The following ALG14 variants were observed in gnomAD, a reference collection of about 807,000 sequenced individuals.
ALG14 encodes the protein UDP-N-acetylglucosamine transferase subunit ALG14.
In ALG14, 17 loss-of-function variants were observed where a neutral mutation model predicts 22.8. The observed-to-expected ratio is 0.75, with a 90% CI of 0.51 to 1.12. The LOEUF (loss-of-function observed/expected upper bound fraction) is 1.12, where lower values mean the gene tolerates loss of function less well. Among genes scored for constraint, ALG14 ranks in the 50% most tolerant of loss-of-function variants. The pLI, the probability that ALG14 is intolerant of heterozygous loss-of-function variation, is 0.00. For synonymous variants in ALG14, 89 were observed against 103.7 expected (o/e 0.86, Z 0.86); for missense variants, 288 against 271.8 (o/e 1.06, Z -0.42).
chr1:95,027,840 A>C (rs1317620306), intron 2 of ALG14, among the ~76,000 whole-genome samples: 1 of 152,248 alleles, frequency 6.6e-6, no homozygotes, highest in Non-Finnish European at 1.5e-5. Flanking sequence ...TCAGAACTTT[A>C]AATGTGTCTT....
intron 2 of ALG14, among the ~76,000 whole-genome samples, chr1:95,059,240 T>C (rs1220402681): frequency 6.6e-6 from 1 of 151,526 alleles, no homozygotes; most frequent in African/African-American, 2.4e-5. Context: ...CTACTAAAAA[T>C]ACAAAAATTA....
intron 2 of ALG14, among the ~76,000 whole-genome samples, chr1:95,060,081 C>A (rs974151881): frequency 1.1e-4 from 17 of 150,844 alleles, no homozygotes; most frequent in African/African-American, 4.1e-4. Context: ...TCTGTCTCTG[C>A]CTCTTTGTCT....
intron 3 of ALG14, among the ~76,000 whole-genome samples, chr1:94,996,891 C>T (rs1672922959): frequency 2.0e-5 from 3 of 152,048 alleles, no homozygotes; most frequent in Admixed American, 2.0e-4. Context: ...CGTTGTTGGC[C>T]AGGCTGGTAT....
intron 3 of ALG14, among the ~76,000 whole-genome samples, chr1:95,015,744 A>G (rs944617237): frequency 2.6e-5 from 4 of 152,328 alleles, no homozygotes; most frequent in African/African-American, 9.6e-5. Context: ...AGAGGGCTGG[A>G]AAACAAAGAA....
intron 2 of ALG14, among the ~76,000 whole-genome samples, chr1:95,059,327 G>A (rs1022656570): frequency 1.4e-5 from 2 of 146,264 alleles, no homozygotes; most frequent in Non-Finnish European, 1.5e-5. Context: ...AACCCTGGGC[G>A]TTGGAGGTTG....
At chr1:95,052,610 C>G (rs951465790) in intron 2 of ALG14, among the ~76,000 whole-genome samples, 1 of 151,342 alleles carries the variant, frequency 6.6e-6, no homozygotes, top group Non-Finnish European at 1.5e-5. Flanking sequence ...GTAATCCCAC[C>G]ACTTTGGGAG....
At chr1:94,983,884 G>A (rs1228276532) in intron 3 of ALG14, among the ~76,000 whole-genome samples, 1 of 151,774 alleles carries the variant, frequency 6.6e-6, no homozygotes, top group Non-Finnish European at 1.5e-5. Flanking sequence ...TGGGACTACA[G>A]GCGCCCGCCA....
intron 3 of ALG14, among the ~76,000 whole-genome samples, chr1:94,997,558 C>A (rs555011112): frequency 1.1e-4 from 16 of 152,282 alleles, no homozygotes; most frequent in East Asian, 1.9e-4. Flanking sequence ...GGCTCTGGAG[C>A]CTGACTGCCT....
At chr1:94,993,640 C>G (rs1352734440) in intron 3 of ALG14, among the ~76,000 whole-genome samples, 1 of 152,098 alleles carries the variant, frequency 6.6e-6, no homozygotes, top group Non-Finnish European at 1.5e-5. Context: ...CCTTGAAGGT[C>G]TGTAGCCATA....
In ALG14 at chr1:94,982,108, T is replaced by A. The variant is rs969995424; in HGVS notation, c.*968A>T. 1 of 150,242 alleles carries A rather than the reference T, an allele frequency of 6.7e-6. No individual in the cohort carries two copies. The highest frequency in any genetic ancestry group is 2.4e-5 in the African/African-American group (1 of 40,906). The allele number at this position is 150,242 out of a possible 1,614,324, so 9.3% of individuals were successfully genotyped here. A position where few individuals can be genotyped will look rare whatever the true frequency, so the allele number is the denominator to read the frequency against. ...AATGGGAATAATAACAGTCCCTACA[T>A]CATTGAGTTTTGTTTTTTTTTTTTT... On this transcript the variant is annotated 3_prime_UTR_variant, in exon 4 of 4. Transcript: ENST00000370205.
chr1:95,047,808 C>G (rs1281684207), intron 2 of ALG14, among the ~76,000 whole-genome samples: 1 of 151,906 alleles, frequency 6.6e-6, no homozygotes, highest in African/African-American at 2.4e-5. Flanking sequence ...AGCAAGACCC[C>G]ATCTCTACAA....
intron 2 of ALG14, among the ~76,000 whole-genome samples, chr1:95,051,461 C>T (rs1274909341): frequency 1.3e-5 from 2 of 152,212 alleles, no homozygotes; most frequent in East Asian, 3.8e-4. Flanking sequence ...CCTCTCCCTG[C>T]TTTTGCCCTT....
At position 94,982,120 on chromosome 1, in the gene ALG14, G is replaced by GTTTTTTTTT. The variant is rs57730557; in HGVS notation, c.*947_*955dup. 1 of 118,408 alleles carries GTTTTTTTTT rather than the reference G, an allele frequency of 8.4e-6. No individual in the cohort carries two copies. Among genetic ancestry groups the GTTTTTTTTT allele is most frequent in the Non-Finnish European group, 1.8e-5 (1 of 56,556 alleles). 7.3% of individuals were successfully genotyped at this position (118,408 alleles called of 1,614,324 possible). A position where few individuals can be genotyped will look rare whatever the true frequency, so the allele number is the denominator to read the frequency against. On this transcript the variant is annotated 3_prime_UTR_variant, in exon 4 of 4. Coordinates refer to ENST00000370205, the MANE Select transcript of ALG14 (RefSeq NM_144988.4). ...AACAGTCCCTACATCATTGAGTTTT[G>GTTTTTTTTT]TTTTTTTTTTTTTTTTTTGAGACGA...
intron 3 of ALG14, among the ~76,000 whole-genome samples, chr1:95,004,414 G>C (rs1226473260): frequency 7.9e-5 from 12 of 151,770 alleles, no homozygotes; most frequent in African/African-American, 2.9e-4. Flanking sequence ...CAGAGACAAA[G>C]TTTTGCCATT....
Position 95,051,339 on chromosome 1 carries a change from T to C in ALG14, c.288+13527A>G, listed in dbSNP as rs374785919. 5.3e-5 allele frequency among the ~76,000 whole-genome samples: 8 copies of C among 152,276 alleles called. No homozygotes were observed. The South Asian group carries it at 1.7e-3, about 32-fold the overall frequency. ...CTACATCTTATCTGCCAGTAAATCCTATCAGCTCTGACTTCAAAATATATT... is the reference window on the plus strand; with the variant it reads ...CTACATCTTATCTGCCAGTAAATCCCATCAGCTCTGACTTCAAAATATATT... On this transcript the variant is annotated intron_variant, in intron 2 of 3. Coordinates refer to ENST00000370205, the MANE Select transcript of ALG14 (RefSeq NM_144988.4).
chr1:95,005,191 G>A (rs565749864), intron 3 of ALG14, among the ~76,000 whole-genome samples: 6 of 152,236 alleles, frequency 3.9e-5, no homozygotes, highest in Admixed American at 1.3e-4. Context: ...TCTTTCAGGC[G>A]AAAAAGGCAA....
chr1:95,001,709 T>C (rs1673074648), intron 3 of ALG14, among the ~76,000 whole-genome samples: 1 of 152,202 alleles, frequency 6.6e-6, no homozygotes, highest in African/African-American at 2.4e-5. Flanking sequence ...TTGGCTTGGC[T>C]GATCTCGAAC....
intron 2 of ALG14, among the ~76,000 whole-genome samples, chr1:95,056,028 A>T (rs1488166078): frequency 6.6e-6 from 1 of 151,110 alleles, no homozygotes; most frequent in African/African-American, 2.4e-5. Flanking sequence ...AAAACAAAAC[A>T]AAAACAAAAA....
intron 3 of ALG14, among the ~76,000 whole-genome samples, chr1:94,996,036 GA>G (rs1672900941): frequency 6.6e-6 from 1 of 152,194 alleles, no homozygotes; most frequent in African/African-American, 2.4e-5. Context: ...CAAAAGACAA[GA>G]GCATTGGTAG....
Sources: gnomAD v4.1 joint callset for allele counts (sites outside exome capture counted in the v4.1 genomes callset) on GRCh38, gnomAD v4.1.1 for gene constraint, MANE v1.5 for transcripts, NCBI Gene and HGNC (gene_info 2026-07-23, HGNC 2026-07-21) for gene names.